SLC3A1: variants seen among roughly 807,000 people sequenced by gnomAD.
The protein encoded by SLC3A1 is amino acid transporter heavy chain SLC3A1.
A neutral mutation model predicts 60.3 loss-of-function variants in SLC3A1; 78 were observed. The observed-to-expected ratio is 1.29, with a 90% CI of 1.08 to 1.56. The LOEUF (loss-of-function observed/expected upper bound fraction) is 1.56, where lower values mean the gene tolerates loss of function less well. Ranked by LOEUF, SLC3A1 falls within the 40% of genes most tolerant of loss-of-function variation. The pLI is 0.00. For synonymous variants in SLC3A1, 392 were observed against 307.9 expected (o/e 1.27, Z -2.86); for missense variants, 1,172 against 858.9 (o/e 1.36, Z -4.56).
chr2:44,307,292 A>G (rs1672182329), intron 7 of SLC3A1, among the ~76,000 whole-genome samples: 3 of 152,208 alleles, frequency 2.0e-5, no homozygotes, highest in South Asian at 4.1e-4. Flanking sequence ...TAGTGATGCT[A>G]TGGACATTTG....
rs144065614 is a variant in SLC3A1, at chr2:44,312,726, C to A, written c.1473C>A (p.Ala491=). 7 of 1,613,180 alleles carry A rather than the reference C, an allele frequency of 4.3e-6. No homozygotes were observed. Among genetic ancestry groups the A allele is most frequent in the Non-Finnish European group, 5.9e-6 (7 of 1,179,390 alleles). ...AAATTGGAATGGGAAATATTGTAGC[C>A]GCAAATCTCAATGAAAGCTATGATA... ...GEEIGMGNIV[A]ANLNESYDIN... The change falls in exon 8 of 10, where the codon GCC becomes GCA. Residue 491 remains alanine, a synonymous_variant. Coordinates refer to ENST00000260649, the MANE Select transcript of SLC3A1 (RefSeq NM_000341.4).
chr2:44,301,181 G>A (rs776844491), intron 6 of SLC3A1, 54 bp downstream of exon 6: 97 of 1,608,456 alleles, frequency 6.0e-5, no homozygotes, highest in Non-Finnish European at 7.6e-5. Flanking sequence ...GTGATCTGCA[G>A]TGTATCCCTC....
intron 7 of SLC3A1, among the ~76,000 whole-genome samples, chr2:44,305,819 G>A (rs949155286): frequency 5.3e-5 from 8 of 151,996 alleles, no homozygotes; most frequent in Non-Finnish European, 1.2e-4. Flanking sequence ...TACCACCTTA[G>A]ACTGTTTCTG....
chr2:44,283,197 C>G (rs1671539302), intron 3 of SLC3A1, among the ~76,000 whole-genome samples: 1 of 152,144 alleles, frequency 6.6e-6, no homozygotes, highest in South Asian at 2.1e-4. Flanking sequence ...TCCAAGGACA[C>G]TCAGAATTGA....
downstream of SLC3A1, chr2:44,321,812 G>A (rs376714746): frequency 4.8e-5 from 77 of 1,613,694 alleles, no homozygotes; most frequent in East Asian, 7.4e-4. Flanking sequence ...CACTGAGAGG[G>A]CCTTGATAAC....
intron 4 of SLC3A1, among the ~76,000 whole-genome samples, chr2:44,299,134 G>A (rs1298242890): frequency 1.3e-5 from 2 of 150,506 alleles, no homozygotes; most frequent in Non-Finnish European, 2.9e-5. Flanking sequence ...CACCTCCCGG[G>A]TTCAAGTGAT....
chr2:44,285,387 T>C (rs1463866244), intron 3 of SLC3A1: 2 of 235,660 alleles, frequency 8.5e-6, no homozygotes, highest in Non-Finnish European at 1.7e-5. Flanking sequence ...ACTCTCACAT[T>C]CAAGGGCCCA....
At position 44,287,705 on chromosome 2, in the gene SLC3A1, C is replaced by G. The variant is rs556473998; in HGVS notation, c.891+1548C>G. On this transcript the variant is annotated intron_variant, in intron 4 of 9. Transcript: ENST00000260649. ...AAAACATATCAGCTATGTTCTTGTT[C>G]TTGTTCTTGCTGCTCCTATGGCTAC... Among the ~76,000 whole-genome samples, 22 of 152,222 alleles carry G rather than the reference C, an allele frequency of 1.4e-4. No individual in the cohort carries two copies. The South Asian group carries it at 3.9e-3, about 27-fold the overall frequency.
chr2:44,300,141 CAG>C (rs1558462088), intron 5 of SLC3A1, 51 bp downstream of exon 5: 3 of 1,593,308 alleles, frequency 1.9e-6, no homozygotes, highest in African/African-American at 1.3e-5. Context: ...AAAATGTCAT[CAG>C]AGTGTTTTCT....
At chr2:44,306,604 G>C (rs1572810335) in intron 7 of SLC3A1, among the ~76,000 whole-genome samples, 1 of 148,516 alleles carries the variant, frequency 6.7e-6, no homozygotes, top group Admixed American at 6.7e-5. Flanking sequence ...CCCAGGCTGG[G>C]GTGCAGTGGT....
intron 9 of SLC3A1, chr2:44,314,268 C>G: frequency 1.7e-6 from 1 of 578,598 alleles, no homozygotes; most frequent in Non-Finnish European, 3.0e-6. Flanking sequence ...GCCTTTCCTC[C>G]TCTCTTCCCC....
At position 44,275,785 on chromosome 2, in the gene SLC3A1, A is replaced by T; in HGVS notation, c.250A>T (p.Ile84Leu). Reference sequence around the variant, plus strand: ...GTTCTCTGGCCAGGCCCGCTACCGCATACCTCGGGAGATCCTCTTCTGGCT... The same window carrying T: ...GTTCTCTGGCCAGGCCCGCTACCGCTTACCTCGGGAGATCCTCTTCTGGCT... ...FQFSGQARYR[I>L]PREILFWLTV... is the part of the protein sequence containing the mutation. The change falls in exon 1 of 10, where the codon ATA (isoleucine) becomes TTA (leucine). Residue 84 changes from isoleucine to leucine, a missense_variant. Physicochemically the swap from Ile to Leu is conservative, Grantham distance 5. Transcript: ENST00000260649. 1 of 1,614,256 alleles carries T rather than the reference A, an allele frequency of 6.2e-7. No individual in the cohort carries two copies. The highest frequency in any genetic ancestry group is 8.5e-7 in the Non-Finnish European group (1 of 1,180,044).
chr2:44,314,400 T>C lies in SLC3A1; in HGVS notation c.1617+449T>C, dbSNP rs200462780. The C allele has an allele frequency of 1.2e-4, 31 of 264,526 alleles. No homozygotes were observed. The East Asian group carries it at 2.1e-3, about 18-fold the overall frequency. The allele number at this position is 264,526 out of a possible 1,614,324, so 16.4% of individuals were successfully genotyped here. A position where few individuals can be genotyped will look rare whatever the true frequency, so the allele number is the denominator to read the frequency against. On this transcript the variant is annotated intron_variant, in intron 9 of 9. Transcript: ENST00000260649. ...GTTCTGAAGAAACAGAAGCCATACA[T>C]GATCCTTAAAGTGGTTGCTCTGGCA...
chr2:44,300,971 T>G (rs757520859), intron 5 of SLC3A1, 32 bp from the exon 6 acceptor site: 2 of 1,613,066 alleles, frequency 1.2e-6, no homozygotes, highest in South Asian at 2.2e-5. Context: ...ATGTATGAAA[T>G]GAGGGTAACC....
In SLC3A1 at chr2:44,304,229, C is replaced by A. The variant is rs1238856128; in HGVS notation, c.1223C>A (p.Pro408His). 1.2e-6 allele frequency: 2 copies of A among 1,614,004 alleles called. No individual in the cohort carries two copies. The highest frequency in any genetic ancestry group is 4.5e-5 in the East Asian group (2 of 44,878). Residue 408 changes from proline (P) to histidine (H), a missense_variant, in exon 7 of 10, where the codon CCC becomes CAC. By Grantham distance (77) the Pro-to-His change is moderately conservative. Coordinates refer to ENST00000260649, the MANE Select transcript of SLC3A1 (RefSeq NM_000341.4). ...CCATTTATCCAAGAAGCTGATTTTC[C>A]CTTCAACAATTACCTCAGCATGCTA... Reference protein sequence around the residue: ...GLPFIQEADFPFNNYLSMLDT... With the variant: ...GLPFIQEADFHFNNYLSMLDT...
At chr2:44,287,854 A>G (rs1671652985) in intron 4 of SLC3A1, among the ~76,000 whole-genome samples, 1 of 152,156 alleles carries the variant, frequency 6.6e-6, no homozygotes, top group Admixed American at 6.6e-5. Context: ...GATAGAGTGG[A>G]TGCAAGCTGT....
intron 8 of SLC3A1, among the ~76,000 whole-genome samples, chr2:44,313,322 T>G (rs1187516324): frequency 6.6e-6 from 1 of 152,210 alleles, no homozygotes; most frequent in Non-Finnish European, 1.5e-5. Flanking sequence ...ATTGCCTAGT[T>G]AGCTTTCAAC....
At chr2:44,310,011 C>G (rs893543880) in intron 7 of SLC3A1, among the ~76,000 whole-genome samples, 8 of 152,094 alleles carry the variant, frequency 5.3e-5, no homozygotes, top group Non-Finnish European at 8.8e-5. Flanking sequence ...CCTGCATTAG[C>G]TCCCACAAAG....
chr2:44,288,279 G>C (rs1376987302), intron 4 of SLC3A1, among the ~76,000 whole-genome samples: 2 of 152,138 alleles, frequency 1.3e-5, no homozygotes, highest in Non-Finnish European at 2.9e-5. Context: ...ACCCGTCTCA[G>C]CTTCCCAAAA....
Sources: gnomAD v4.1 joint callset for allele counts (sites outside exome capture counted in the v4.1 genomes callset) on GRCh38, gnomAD v4.1.1 for gene constraint, MANE v1.5 for transcripts, NCBI Gene and HGNC (gene_info 2026-07-23, HGNC 2026-07-21) for gene names.